CCDC146: variants seen among roughly 807,000 people sequenced by gnomAD.
CCDC146 encodes the protein coiled-coil domain-containing protein 146.
Under a neutral mutation model 119.3 loss-of-function variants are expected in CCDC146, and 92 were observed. The observed-to-expected ratio is 0.77, with a 90% CI of 0.65 to 0.92. CCDC146 has a LOEUF of 0.92. CCDC146 is among the 40% of genes least tolerant of loss of function. The pLI is 0.00. For synonymous variants in CCDC146, 372 were observed against 371.8 expected, an observed-to-expected ratio of 1.00 and a Z score of -0.01; for missense variants, 1,000 against 1,103.0, an observed-to-expected ratio of 0.91 and a Z score of 1.32.
In CCDC146 at chr7:77,270,875, C is replaced by T. The variant is rs554796705; in HGVS notation, c.1174-2819C>T. Among the ~76,000 whole-genome samples the T allele has an allele frequency of 2.6e-5, 4 of 152,154 alleles. No individual in the cohort carries two copies. In the East Asian group the frequency reaches 5.8e-4, roughly 22 times the overall value. ...CTGGCAAAAGGAGGAGGAAGGGCAA[C>T]GAGCAAAAGACATAAATGATTGCTG... On this transcript the variant is annotated intron_variant, in intron 9 of 18. Transcript: ENST00000285871.
At position 77,280,550 on chromosome 7, in the gene CCDC146, T is replaced by A; in HGVS notation, c.1816T>A (p.Leu606Ile). ...QEMKEKKEAQ[L>I]NNIDRLANTI... ...AATGAAAGAAAAGAAGGAAGCCCAG[T>A]TAAATAACATTGACAGACTTGCCAA... is the stretch of plus-strand genomic sequence containing the variant. The change falls in exon 14 of 19, where the codon TTA (leucine) becomes ATA (isoleucine). Residue 606 changes from leucine to isoleucine, a missense_variant. Physicochemically the swap from Leu to Ile is conservative, Grantham distance 5. Around this residue, in one of 2 missense-constraint regions of CCDC146, gnomAD observed 985 missense variants for 1,045.3 expected, o/e 0.94. Coordinates refer to ENST00000285871, the MANE Select transcript of CCDC146 (RefSeq NM_020879.3). The A allele has an allele frequency of 6.2e-7, 1 of 1,614,018 alleles. No homozygotes were observed.
At chr7:77,198,265 C>T in intron 2 of CCDC146, 4 of 985,418 alleles carry the variant, frequency 4.1e-6, no homozygotes, top group Non-Finnish European at 4.8e-6. Flanking sequence ...GCCTGAGATA[C>T]TGTCTCTAAA....
intron 2 of CCDC146, among the ~76,000 whole-genome samples, chr7:77,223,454 A>G (rs1792444324): frequency 6.6e-6 from 1 of 151,816 alleles, no homozygotes; most frequent in Admixed American, 6.5e-5. Flanking sequence ...TGTGGCCACC[A>G]AAGAAGGAAC....
intron 7 of CCDC146, chr7:77,259,339 T>G (rs1308272144): frequency 2.9e-6 from 1 of 343,788 alleles, no homozygotes; most frequent in African/African-American, 2.1e-5. Flanking sequence ...CAATTGACTT[T>G]AACAGAGCGG....
chr7:77,196,418 T>C lies in CCDC146; in HGVS notation c.156+28594T>C. The C allele has an allele frequency of 6.2e-7, 1 of 1,614,164 alleles. No homozygotes were observed. Among genetic ancestry groups the C allele is most frequent in the South Asian group, 1.1e-5 (1 of 91,088 alleles). ...ACGGACACCTCTGTATTTTTGGTGATAATATTTGCCATTTAAGTTTGCAGA... is the reference window on the plus strand; with the variant it reads ...ACGGACACCTCTGTATTTTTGGTGACAATATTTGCCATTTAAGTTTGCAGA... On this transcript the variant is annotated intron_variant, in intron 2 of 18. Coordinates refer to ENST00000285871, the MANE Select transcript of CCDC146 (RefSeq NM_020879.3). This position sits in a 1 kb window ranked among gnomAD's most constrained non-coding sequence, Gnocchi z 4.2.
rs150539476 is a variant in CCDC146 at position 77,287,523 on chromosome 7, G to T, written c.2361G>T (p.Arg787Ser). The change falls in exon 17 of 19, where the codon AGG becomes AGT. Residue 787 changes from arginine (R) to serine (S), a missense_variant. Arg to Ser is a moderately radical substitution (Grantham distance 110, BLOSUM62 -1). Around this residue, in one of 2 missense-constraint regions of CCDC146, gnomAD observed 985 missense variants for 1,045.3 expected, o/e 0.94. Coordinates refer to ENST00000285871, the MANE Select transcript of CCDC146 (RefSeq NM_020879.3). ...IYEQVSRLTD[R>S]LCSKTQGCKQ... Reference sequence around the variant, plus strand: ...AGCAGGTCTCCAGGCTCACAGACAGGCTCTGCAGCAAAACTCAGGGCTGCA... The same window carrying T: ...AGCAGGTCTCCAGGCTCACAGACAGTCTCTGCAGCAAAACTCAGGGCTGCA... 38 of 1,613,914 alleles carry T rather than the reference G, an allele frequency of 2.4e-5. No individual in the cohort carries two copies. Among genetic ancestry groups the T allele is most frequent in the Non-Finnish European group, 3.1e-5 (36 of 1,180,004 alleles).
At chr7:77,144,105 G>T (rs1196804042) in intron 1 of CCDC146, among the ~76,000 whole-genome samples, 1 of 151,746 alleles carries the variant, frequency 6.6e-6, no homozygotes, top group African/African-American at 2.4e-5. Context: ...GCAGTGGTTT[G>T]TAGTTCTCCT....
intron 14 of CCDC146, chr7:77,282,313 G>T (rs1672748713): frequency 1.2e-5 from 5 of 406,620 alleles, no homozygotes; most frequent in Non-Finnish European, 2.2e-5. Flanking sequence ...GACTTTCAGA[G>T]ACATTGTGGC....
chr7:77,259,983 TGTGTGTGTGTGTG>T lies in CCDC146; in HGVS notation c.759-25_759-13del. 1 of 722,840 alleles carries T rather than the reference TGTGTGTGTGTGTG, an allele frequency of 1.4e-6. No homozygotes were observed. The highest frequency in any genetic ancestry group is 2.3e-6 in the Non-Finnish European group (1 of 442,020). The allele number at this position is 722,840 out of a possible 1,614,324, so 44.8% of individuals were successfully genotyped here. On this transcript the variant is annotated splice_polypyrimidine_tract_variant and intron_variant, in intron 7 of 18. Transcript: ENST00000285871. Reference sequence around the variant, plus strand: ...GTGTGTGTGTGTGTGTGTGTGTGTGTGTGTGTGTGTGTGTATCCCCTACAGAGAAATGGAAAAG... The same window carrying T: ...GTGTGTGTGTGTGTGTGTGTGTGTGTTATCCCCTACAGAGAAATGGAAAAG...
chr7:77,211,970 G>A (rs753820251), intron 2 of CCDC146, among the ~76,000 whole-genome samples: 1 of 152,126 alleles, frequency 6.6e-6, no homozygotes, highest in Admixed American at 6.5e-5. Context: ...ATGCTTAATT[G>A]TGAAACTCCA....
chr7:77,199,901 G>T (rs1242386881), intron 2 of CCDC146: 4 of 1,342,610 alleles, frequency 3.0e-6, no homozygotes, highest in Non-Finnish European at 4.0e-6. Context: ...GGGTGGGAGC[G>T]TTTGCATCAC....
intron 1 of CCDC146, among the ~76,000 whole-genome samples, chr7:77,127,588 T>G (rs959858323): frequency 6.6e-6 from 1 of 152,142 alleles, no homozygotes; most frequent in African/African-American, 2.4e-5. Context: ...GGTTTTGATA[T>G]TAGGGTAAAA....
intron 1 of CCDC146, among the ~76,000 whole-genome samples, chr7:77,147,917 A>G (rs1791047155): frequency 6.6e-6 from 1 of 152,172 alleles, no homozygotes; most frequent in Admixed American, 6.5e-5. Context: ...TGCTGGGAGA[A>G]CCACTACTCT....
intron 2 of CCDC146, chr7:77,199,006 G>A: frequency 1.6e-6 from 1 of 613,312 alleles, no homozygotes; most frequent in Non-Finnish European, 2.8e-6. Context: ...TTTGTAATTA[G>A]GTCATATTTA....
chr7:77,247,695 A>G (rs898074040), intron 4 of CCDC146, among the ~76,000 whole-genome samples: 1 of 152,260 alleles, frequency 6.6e-6, no homozygotes, highest in African/African-American at 2.4e-5. Flanking sequence ...AAATGAAAAA[A>G]GTTCATCACT....
Position 77,176,512 on chromosome 7 carries a change from G to A in CCDC146, c.156+8688G>A, listed in dbSNP as rs562600262. 4.2e-4 allele frequency among the ~76,000 whole-genome samples: 61 copies of A among 144,834 alleles called. 1 individual carries two copies. The highest frequency in any genetic ancestry group is 1.2e-3 in the Admixed American group (18 of 15,064). ...TTATGGCACCATACATGAGAGTTCAGAAGAAGCAACAGGTCTGAAGGGAAT... is the reference window on the plus strand; with the variant it reads ...TTATGGCACCATACATGAGAGTTCAAAAGAAGCAACAGGTCTGAAGGGAAT... On this transcript the variant is annotated intron_variant, in intron 2 of 18. Transcript: ENST00000285871.
chr7:77,273,828 C>G, intron 10 of CCDC146, 39 bp downstream of exon 10: 1 of 1,340,882 alleles, frequency 7.5e-7, no homozygotes, highest in Non-Finnish European at 1.1e-6. Flanking sequence ...ATCTAAGAAG[C>G]GTTCATACAA....
At chr7:77,211,332 A>AT (rs1409530858) in intron 2 of CCDC146, among the ~76,000 whole-genome samples, 3 of 152,100 alleles carry the variant, frequency 2.0e-5, no homozygotes, top group Admixed American at 6.5e-5. Flanking sequence ...TACAAAATGT[A>AT]TTTTTTGTGT....
intron 1 of CCDC146, among the ~76,000 whole-genome samples, chr7:77,154,670 T>C (rs972617626): frequency 1.4e-4 from 22 of 152,218 alleles, no homozygotes; most frequent in African/African-American, 5.1e-4. Context: ...TTCCATGGTG[T>C]ATATGTGCCA....
Sources: allele counts gnomAD v4.1 joint callset (sites outside exome capture counted in the v4.1 genomes callset), GRCh38; gene constraint gnomAD v4.1.1; regional missense constraint gnomAD v4.1.1; non-coding constraint Gnocchi (gnomAD v3.1); transcripts MANE v1.5; gene names NCBI Gene and HGNC (gene_info 2026-07-23, HGNC 2026-07-21).